The following DNAI1 variants were observed in gnomAD, a reference collection of about 807,000 sequenced individuals.
DNAI1 encodes the protein dynein, axonemal, intermediate polypeptide 1.
DNAI1 carries 67 observed loss-of-function variants against 92.0 expected under a neutral mutation model. That is an observed-to-expected ratio of 0.73 (90% confidence interval 0.60 to 0.89). The LOEUF (loss-of-function observed/expected upper bound fraction) is 0.89, where lower values mean the gene tolerates loss of function less well. Among genes scored for constraint, DNAI1 ranks in the 40% least tolerant of loss-of-function variants. DNAI1 has a pLI of 0.00. For missense variants in DNAI1, 839 were observed against 866.6 expected, an observed-to-expected ratio of 0.97 and a Z score of 0.40; for synonymous variants, 323 against 319.6, an observed-to-expected ratio of 1.01 and a Z score of -0.11.
At chr9:34,463,644 G>A (rs543839111) in intron 1 of DNAI1, among the ~76,000 whole-genome samples, 2 of 152,014 alleles carry the variant, frequency 1.3e-5, no homozygotes, top group South Asian at 2.1e-4. Context: ...ACAAATTTTA[G>A]TACCTCTTTA....
chr9:34,501,316 A>C lies in DNAI1; in HGVS notation c.1063+135A>C, dbSNP rs544665294. The C allele has an allele frequency of 1.0e-4, 80 of 783,010 alleles. No individual in the cohort carries two copies. In the Admixed American group the frequency reaches 1.2e-3, roughly 12 times the overall value. 48.5% of individuals were successfully genotyped at this position (783,010 alleles called of 1,614,324 possible). A position where few individuals can be genotyped will look rare whatever the true frequency, so the allele number is the denominator to read the frequency against. ...CAGGGGGCTCACAGTCTAATGGGGAAGACCCACAATCCTACTGGCAATTAG... is the reference window on the plus strand; with the variant it reads ...CAGGGGGCTCACAGTCTAATGGGGACGACCCACAATCCTACTGGCAATTAG... On this transcript the variant is annotated intron_variant, in intron 12 of 19. Transcript: ENST00000242317.
At chr9:34,484,022 C>CCTGG (rs914372157) in intron 2 of DNAI1, among the ~76,000 whole-genome samples, 3 of 151,882 alleles carry the variant, frequency 2.0e-5, no homozygotes, top group Admixed American at 6.6e-5. Context: ...TCGAGACCAG[C>CCTGG]CTGGCCAACA....
At chr9:34,475,882 CTTAT>C (rs954320534) in intron 1 of DNAI1, among the ~76,000 whole-genome samples, 8 of 152,048 alleles carry the variant, frequency 5.3e-5, no homozygotes, top group African/African-American at 1.9e-4. Flanking sequence ...TTTTTATCTC[CTTAT>C]TTATCACTAA....
At chr9:34,460,438 G>A (rs1473437771) in intron 1 of DNAI1, among the ~76,000 whole-genome samples, 1 of 152,172 alleles carries the variant, frequency 6.6e-6, no homozygotes, top group Non-Finnish European at 1.5e-5. Flanking sequence ...TTTTGGTCTG[G>A]CCACCTCCAT....
chr9:34,474,298 A>G (rs1824198681), intron 1 of DNAI1, among the ~76,000 whole-genome samples: 1 of 151,308 alleles, frequency 6.6e-6, no homozygotes, highest in African/African-American at 2.4e-5. Context: ...GCAGTGGCTC[A>G]GTCTCAGCTT....
At chr9:34,502,542 G>A (rs917736269) in intron 12 of DNAI1, among the ~76,000 whole-genome samples, 1 of 152,108 alleles carries the variant, frequency 6.6e-6, no homozygotes, top group Non-Finnish European at 1.5e-5. Context: ...TATTCTCCCC[G>A]CACCCAGGTT....
At chr9:34,461,683 T>G (rs989087189) in intron 1 of DNAI1, among the ~76,000 whole-genome samples, 1 of 152,086 alleles carries the variant, frequency 6.6e-6, no homozygotes. Flanking sequence ...CACTGCCCCA[T>G]GGAGGGAAGG....
intron 9 of DNAI1, among the ~76,000 whole-genome samples, chr9:34,494,261 T>C (rs1470364042): frequency 6.6e-6 from 1 of 152,206 alleles, no homozygotes; most frequent in East Asian, 1.9e-4. Context: ...CCACTCTCGC[T>C]TAATTCTGTT....
At chr9:34,467,440 TACACACACACACACACACAC>T (rs3039302) in intron 1 of DNAI1, among the ~76,000 whole-genome samples, 2 of 137,472 alleles carry the variant, frequency 1.5e-5, no homozygotes, top group South Asian at 2.4e-4. Flanking sequence ...TCTACACAAA[TACACACACACACACACACAC>T]ACACACACAC....
intron 19 of DNAI1, among the ~76,000 whole-genome samples, chr9:34,517,807 G>A (rs976204475): frequency 6.6e-6 from 1 of 152,228 alleles, no homozygotes; most frequent in African/African-American, 2.4e-5. Flanking sequence ...ACCCAGGCAG[G>A]GGGCCTGGGG....
chr9:34,506,429 T>A (rs1312227363), intron 12 of DNAI1, among the ~76,000 whole-genome samples, 198 bp from the exon 13 acceptor site: 1 of 152,198 alleles, frequency 6.6e-6, no homozygotes, highest in African/African-American at 2.4e-5. Flanking sequence ...GATCTTTCCA[T>A]GATCTCTGAG....
rs751365548 is a variant in DNAI1 at position 34,459,020 on chromosome 9, T to C, written c.15T>C (p.Ser5=). 1.9e-6 allele frequency: 3 copies of C among 1,614,226 alleles called. No homozygotes were observed. Among genetic ancestry groups the C allele is most frequent in the East Asian group, 2.2e-5 (1 of 44,890 alleles). The change falls in exon 1 of 20, where the codon TCT becomes TCC. Residue 5 remains serine (S), a synonymous_variant. Transcript: ENST00000242317. MIPA[S]AKAPHKQPHK... Reference sequence around the variant, plus strand: ...CAGGGGTTGAGATGATTCCTGCTTCTGCGAAGGCTCCCCATAAACAGCCTC... The same window carrying C: ...CAGGGGTTGAGATGATTCCTGCTTCCGCGAAGGCTCCCCATAAACAGCCTC...
intron 2 of DNAI1, among the ~76,000 whole-genome samples, chr9:34,484,041 C>A (rs1824425820): frequency 6.6e-6 from 1 of 151,924 alleles, no homozygotes; most frequent in East Asian, 1.9e-4. Flanking sequence ...CATGGCGAAA[C>A]CCCATCTCTA....
chr9:34,512,424 G>A lies in DNAI1; in HGVS notation c.1489G>A (p.Gly497Ser), dbSNP rs1212462636. ...VPEGLQLHPV[G>S]CGTAFDFHKE... ...TGAGGGGTTGCAGCTGCACCCAGTG[G>A]GTAGGAGCCCCAGCCCTCTCACCTC... is the stretch of plus-strand genomic sequence containing the variant. The change falls in exon 15 of 20, where the codon GGT becomes AGT. Residue 497 changes from glycine to serine, a missense_variant and splice_region_variant. Coordinates refer to ENST00000242317, the MANE Select transcript of DNAI1 (RefSeq NM_012144.4). 6.2e-7 allele frequency: 1 copy of A among 1,614,034 alleles called. No individual in the cohort carries two copies. The highest frequency in any genetic ancestry group is 8.5e-7 in the Non-Finnish European group (1 of 1,179,938).
chr9:34,478,413 G>A (rs973060645), intron 1 of DNAI1, among the ~76,000 whole-genome samples: 1 of 152,164 alleles, frequency 6.6e-6, no homozygotes, highest in East Asian at 1.9e-4. Context: ...TTTCAAGAAG[G>A]AGGGAGGGAG....
chr9:34,490,489 G>A lies in DNAI1; in HGVS notation c.621+1G>A. The A allele has an allele frequency of 6.2e-7, 1 of 1,614,034 alleles. No individual in the cohort carries two copies. The highest frequency in any genetic ancestry group is 8.5e-7 in the Non-Finnish European group (1 of 1,180,034). ...ACAGACCTACAACAACCCTGTCCGG[G>A]TAGAGCAGCCCCCACCCTAGCCCCT... On this transcript the variant is annotated splice_donor_variant, in intron 7 of 19. Coordinates refer to ENST00000242317, the MANE Select transcript of DNAI1 (RefSeq NM_012144.4). LOFTEE classifies it high-confidence loss of function.
At position 34,458,998 on chromosome 9, in the gene DNAI1, G is replaced by T. The variant is rs775290934; in HGVS notation, c.-8G>T. On this transcript the variant is annotated 5_prime_UTR_variant, in exon 1 of 20. Transcript: ENST00000242317. The surrounding 1 kb of genome is among the most constrained non-coding windows in gnomAD (Gnocchi z 6.6). ...AGGGAGCGTTTTGTAGGCTCTCCAG[G>T]GGTTGAGATGATTCCTGCTTCTGCG... The T allele has an allele frequency of 6.2e-7, 1 of 1,614,084 alleles. No individual in the cohort carries two copies. The highest frequency in any genetic ancestry group is 8.5e-7 in the Non-Finnish European group (1 of 1,179,936).
chr9:34,477,677 G>A (rs1824264273), intron 1 of DNAI1, among the ~76,000 whole-genome samples: 1 of 152,112 alleles, frequency 6.6e-6, no homozygotes, highest in South Asian at 2.1e-4. Context: ...GGTGAAGAAA[G>A]GGCAAATATC....
At chr9:34,520,270 C>G (rs979745946) in intron 19 of DNAI1, among the ~76,000 whole-genome samples, 2 of 152,170 alleles carry the variant, frequency 1.3e-5, no homozygotes, top group African/African-American at 2.4e-5. Flanking sequence ...TGATAGGTCT[C>G]GGCCAGGGAC....
Sources: allele counts gnomAD v4.1 joint callset (sites outside exome capture counted in the v4.1 genomes callset), GRCh38; gene constraint gnomAD v4.1.1; non-coding constraint Gnocchi (gnomAD v3.1); transcripts MANE v1.5; gene names NCBI Gene and HGNC (gene_info 2026-07-23, HGNC 2026-07-21).